AFF1: variants seen among roughly 807,000 people sequenced by gnomAD.
The protein encoded by AFF1 is ALF transcription elongation factor 1, also known as AF4/FMR2 family member 1.
AFF1 carries 48 observed loss-of-function variants against 121.7 expected under a neutral mutation model. The ratio of observed to expected loss-of-function variants is 0.39; its 90% CI spans 0.31 to 0.50. The LOEUF (loss-of-function observed/expected upper bound fraction) is 0.50. Among genes scored for constraint, AFF1 ranks in the 20% least tolerant of loss-of-function variants. The pLI, the probability that AFF1 is intolerant of heterozygous loss-of-function variation, is 0.76. For synonymous variants in AFF1, 613 were observed against 563.0 expected, an observed-to-expected ratio of 1.09 and a Z score of -1.26; for missense variants, 1,523 against 1,511.7, an observed-to-expected ratio of 1.01 and a Z score of -0.12.
chr4:87,010,773 A>T (rs1014893674), intron 2 of AFF1, among the ~76,000 whole-genome samples: 2 of 152,150 alleles, frequency 1.3e-5, no homozygotes, highest in Non-Finnish European at 1.5e-5. Context: ...TTCAAATACT[A>T]TCAGGGATTA....
intron 8 of AFF1, among the ~76,000 whole-genome samples, chr4:87,098,728 G>A (rs1476805911): frequency 6.6e-6 from 1 of 152,148 alleles, no homozygotes; most frequent in Non-Finnish European, 1.5e-5. Flanking sequence ...TAAAATAAGA[G>A]ACAGAAATTA....
intron 2 of AFF1, among the ~76,000 whole-genome samples, chr4:87,010,936 G>C (rs943028807): frequency 1.3e-5 from 2 of 152,118 alleles, no homozygotes; most frequent in Non-Finnish European, 2.9e-5. Context: ...AAAATCAGCC[G>C]GGTGCGGTGG....
At chr4:87,034,926 A>G (rs952599778) in intron 2 of AFF1, among the ~76,000 whole-genome samples, 4 of 152,252 alleles carry the variant, frequency 2.6e-5, no homozygotes, top group Non-Finnish European at 5.9e-5. Context: ...TGTATTAAGC[A>G]TCGCATTTAT....
intron 5 of AFF1, among the ~76,000 whole-genome samples, chr4:87,086,600 C>T (rs1024302857): frequency 5.3e-5 from 8 of 152,188 alleles, no homozygotes; most frequent in African/African-American, 1.7e-4. Context: ...GAGTCTGCCC[C>T]TTCTCTTCTG....
intron 4 of AFF1, among the ~76,000 whole-genome samples, chr4:87,077,981 A>T (rs1722838142): frequency 6.6e-6 from 1 of 152,174 alleles, no homozygotes; most frequent in Non-Finnish European, 1.5e-5. Flanking sequence ...TACATGTAGG[A>T]GGCAGTGCTA....
intron 2 of AFF1, among the ~76,000 whole-genome samples, chr4:86,957,206 T>C (rs1721803528): frequency 6.6e-6 from 1 of 152,200 alleles, no homozygotes; most frequent in Non-Finnish European, 1.5e-5. Flanking sequence ...GATAACATTG[T>C]CTTTGTAGGG....
At chr4:87,029,548 C>G (rs1424864310) in intron 2 of AFF1, among the ~76,000 whole-genome samples, 1 of 152,114 alleles carries the variant, frequency 6.6e-6, no homozygotes, top group Non-Finnish European at 1.5e-5. Flanking sequence ...TTCATATTTT[C>G]CAAAAACCAC....
At chr4:87,006,778 G>A (rs578254013) in intron 2 of AFF1, among the ~76,000 whole-genome samples, 1 of 152,352 alleles carries the variant, frequency 6.6e-6, no homozygotes, top group East Asian at 1.9e-4. Flanking sequence ...GAGCACTCTC[G>A]AGGAGCCCGC....
At chr4:86,981,773 C>A (rs1174022431) in intron 2 of AFF1, among the ~76,000 whole-genome samples, 1 of 152,238 alleles carries the variant, frequency 6.6e-6, no homozygotes, top group East Asian at 1.9e-4. Context: ...AAGTTTGCTT[C>A]TAGCTTGTTA....
intron 2 of AFF1, among the ~76,000 whole-genome samples, chr4:86,984,311 T>C (rs1051292842): frequency 3.3e-5 from 5 of 151,710 alleles, no homozygotes; most frequent in South Asian, 2.1e-4. Context: ...CTTTTTTTTT[T>C]CCAAGTGACA....
At chr4:87,045,198 A>T (rs1034265398) in intron 2 of AFF1, among the ~76,000 whole-genome samples, 18 of 152,230 alleles carry the variant, frequency 1.2e-4, no homozygotes, top group Non-Finnish European at 2.4e-4. Context: ...GACAGCCTTA[A>T]CTAGACAATC....
chr4:87,134,820 A>G (rs911554267), intron 20 of AFF1, 126 bp downstream of exon 20: 5 of 867,098 alleles, frequency 5.8e-6, no homozygotes, highest in Non-Finnish European at 8.6e-6. Flanking sequence ...TACTTTAATT[A>G]TATTTTCTCT....
At chr4:87,066,709 CCTT>C (rs1212078527) in intron 4 of AFF1, among the ~76,000 whole-genome samples, 7 of 152,132 alleles carry the variant, frequency 4.6e-5, no homozygotes, top group Non-Finnish European at 8.8e-5. Flanking sequence ...GTTTTTTGTT[CCTT>C]CTTCTTGTCT....
chr4:86,982,237 A>C (rs1417877582), intron 2 of AFF1, among the ~76,000 whole-genome samples: 1 of 152,184 alleles, frequency 6.6e-6, no homozygotes, highest in African/African-American at 2.4e-5. Context: ...AGATTTTACC[A>C]CATTGAAGGA....
chr4:87,051,634 G>A (rs1417142625), intron 4 of AFF1, among the ~76,000 whole-genome samples: 1 of 151,658 alleles, frequency 6.6e-6, no homozygotes, highest in Non-Finnish European at 1.5e-5. Flanking sequence ...CTAATTTTTT[G>A]TGTATATATT....
At position 87,129,318 on chromosome 4, in the gene AFF1, C is replaced by T. The variant is rs981524660; in HGVS notation, c.2964+1615C>T. Reference sequence around the variant, plus strand: ...GAGTAGAAAGGGATGTATTTCTTCTCTACGTTATCTTCAACTGATGAGTGA... The same window carrying T: ...GAGTAGAAAGGGATGTATTTCTTCTTTACGTTATCTTCAACTGATGAGTGA... On this transcript the variant is annotated intron_variant, in intron 16 of 20. Coordinates refer to ENST00000395146, the MANE Select transcript of AFF1 (RefSeq NM_001166693.3). 2.0e-5 allele frequency among the ~76,000 whole-genome samples: 3 copies of T among 152,342 alleles called. No homozygotes were observed. In the East Asian group the frequency reaches 5.8e-4, roughly 29 times the overall value.
chr4:87,131,056 A>G, intron 16 of AFF1, 27 bp from the exon 17 acceptor site: 2 of 1,612,534 alleles, frequency 1.2e-6, no homozygotes, highest in Non-Finnish European at 1.7e-6. Context: ...TCTTCAGCCT[A>G]ACAATGACCA....
chr4:86,980,955 C>CT (rs1236898578), intron 2 of AFF1, among the ~76,000 whole-genome samples: 1 of 136,764 alleles, frequency 7.3e-6, no homozygotes, highest in Non-Finnish European at 1.6e-5. Context: ...GCACCCCCCC[C>CT]CTCCACCAAA....
rs200125007 is a variant in AFF1 at position 87,094,969 on chromosome 4, C to T, written c.1283C>T (p.Ser428Phe). The change falls in exon 8 of 21, where the codon TCC (serine) becomes TTC (phenylalanine). Residue 428 changes from serine (S) to phenylalanine (F), a missense_variant and splice_region_variant. Around this residue, in one of 5 missense-constraint regions of AFF1, gnomAD observed 905 missense variants for 842.5 expected, o/e 1.07. Coordinates refer to ENST00000395146, the MANE Select transcript of AFF1 (RefSeq NM_001166693.3). ...TCAAATTCTCAGCAAGGAACGTCAT[C>T]GTAAGTGAAATGCTTTTTGTGTATT... ...THSNSQQGTSSMLEDDLQLSD... is the reference protein window; with the variant it reads ...THSNSQQGTSFMLEDDLQLSD... The T allele has an allele frequency of 1.1e-5, 18 of 1,612,670 alleles. No homozygotes were observed. Among genetic ancestry groups the T allele is most frequent in the Admixed American group, 1.7e-5 (1 of 60,008 alleles).
Sources: gnomAD v4.1 joint callset for allele counts (sites outside exome capture counted in the v4.1 genomes callset) on GRCh38, gnomAD v4.1.1 for gene constraint, gnomAD v4.1.1 regional missense constraint, MANE v1.5 for transcripts, NCBI Gene and HGNC (gene_info 2026-07-23, HGNC 2026-07-21) for gene names.